Variants in AMOTL1 observed in about 807,000 individuals in gnomAD.
AMOTL1 encodes the protein angiomotin-like protein 1.
Under a neutral mutation model 102.9 loss-of-function variants are expected in AMOTL1, and 45 were observed. That is an observed-to-expected ratio of 0.44 (90% confidence interval 0.34 to 0.56). The LOEUF is 0.56. AMOTL1 is among the 20% of genes least tolerant of loss of function. The pLI is 0.01. For missense variants in AMOTL1, 1,114 were observed against 1,225.6 expected (o/e 0.91, Z 1.36); for synonymous variants, 481 against 484.7 (o/e 0.99, Z 0.10).
At chr11:94,818,843 A>G (rs1383417805) in intron 3 of AMOTL1, among the ~76,000 whole-genome samples, 2 of 152,118 alleles carry the variant, frequency 1.3e-5, no homozygotes, top group Non-Finnish European at 2.9e-5. Context: ...GCTTTCTTAA[A>G]GCCCTGCAAA....
intron 1 of AMOTL1, among the ~76,000 whole-genome samples, chr11:94,709,588 T>C (rs1473104598): frequency 6.6e-6 from 1 of 152,056 alleles, no homozygotes; most frequent in Non-Finnish European, 1.5e-5. Context: ...GCTACAAGGA[T>C]TGAATCCCAA....
At chr11:94,806,290 G>A (rs1170744869) in intron 3 of AMOTL1, among the ~76,000 whole-genome samples, 1 of 152,254 alleles carries the variant, frequency 6.6e-6, no homozygotes, top group Non-Finnish European at 1.5e-5. Context: ...AGTGGGCTCT[G>A]TGTTTGGAAT....
chr11:94,716,097 A>G (rs1950091640), intron 1 of AMOTL1, among the ~76,000 whole-genome samples: 1 of 152,036 alleles, frequency 6.6e-6, no homozygotes, highest in Non-Finnish European at 1.5e-5. Context: ...TTTGTCCTTA[A>G]GTTCACTGAT....
chr11:94,865,001 G>T, intron 10 of AMOTL1, 141 bp downstream of exon 10: 1 of 1,250,070 alleles, frequency 8.0e-7, no homozygotes, highest in Admixed American at 2.9e-5. Flanking sequence ...GCTGTGCCAT[G>T]GAGAGAAGGA....
intron 1 of AMOTL1, among the ~76,000 whole-genome samples, chr11:94,716,068 T>C (rs761150099): frequency 6.6e-6 from 1 of 152,146 alleles, no homozygotes; most frequent in Non-Finnish European, 1.5e-5. Context: ...TCCTTTTTTG[T>C]ACAAGTAAAT....
chr11:94,752,737 T>C (rs1180131381), intron 3 of AMOTL1, among the ~76,000 whole-genome samples: 1 of 152,138 alleles, frequency 6.6e-6, no homozygotes, highest in Non-Finnish European at 1.5e-5. Context: ...TGTCTAACAG[T>C]CAATAGCTTT....
intron 2 of AMOTL1, among the ~76,000 whole-genome samples, chr11:94,736,235 G>C (rs1950437567): frequency 6.6e-6 from 1 of 152,136 alleles, no homozygotes; most frequent in Non-Finnish European, 1.5e-5. Flanking sequence ...TATGTGGGAA[G>C]AAAATGAACA....
At chr11:94,855,031 A>G (rs533947305) in intron 8 of AMOTL1, among the ~76,000 whole-genome samples, 5 of 152,318 alleles carry the variant, frequency 3.3e-5, no homozygotes, top group South Asian at 2.1e-4. Context: ...CTGGCCCCAG[A>G]TGAGCCTGTC....
chr11:94,744,596 G>A (rs1463047268), intron 3 of AMOTL1, among the ~76,000 whole-genome samples: 1 of 152,168 alleles, frequency 6.6e-6, no homozygotes, highest in East Asian at 1.9e-4. Flanking sequence ...TGGGGAAGTG[G>A]GGAGAATAGG....
At chr11:94,761,458 G>A (rs1307055113) in intron 3 of AMOTL1, among the ~76,000 whole-genome samples, 1 of 151,602 alleles carries the variant, frequency 6.6e-6, no homozygotes, top group Non-Finnish European at 1.5e-5. Flanking sequence ...CAAAGTGCTG[G>A]GATTACAGGC....
intron 1 of AMOTL1, among the ~76,000 whole-genome samples, chr11:94,714,857 T>C (rs562453559): frequency 2.6e-5 from 4 of 152,134 alleles, no homozygotes; most frequent in Non-Finnish European, 5.9e-5. Context: ...CTTTTCCTAT[T>C]TCAGATTCAT....
chr11:94,814,352 C>T (rs1470113802), intron 3 of AMOTL1, among the ~76,000 whole-genome samples: 5 of 152,176 alleles, frequency 3.3e-5, no homozygotes, highest in African/African-American at 9.7e-5. Flanking sequence ...AGAGCACTGG[C>T]CTCACAAATA....
intron 1 of AMOTL1, among the ~76,000 whole-genome samples, chr11:94,727,058 T>G (rs546882006): frequency 1.2e-4 from 19 of 152,144 alleles, no homozygotes; most frequent in Non-Finnish European, 2.5e-4. Context: ...CATATCATCT[T>G]GCAAATCTGT....
chr11:94,798,173 T>G (rs2135568194), intron 2 of AMOTL1, among the ~76,000 whole-genome samples: 1 of 152,330 alleles, frequency 6.6e-6, no homozygotes, highest in East Asian at 1.9e-4. Flanking sequence ...TGTGAACATC[T>G]CTCCTCTTCT....
At chr11:94,819,232 C>T (rs1951820236) in intron 3 of AMOTL1, among the ~76,000 whole-genome samples, 1 of 152,102 alleles carries the variant, frequency 6.6e-6, no homozygotes, top group Non-Finnish European at 1.5e-5. Flanking sequence ...ATCAGTAAGC[C>T]AAAGGGAAAA....
intron 1 of AMOTL1, among the ~76,000 whole-genome samples, chr11:94,790,773 C>T (rs962443861): frequency 6.6e-6 from 1 of 152,182 alleles, no homozygotes; most frequent in African/African-American, 2.4e-5. Flanking sequence ...GACAGTTTCA[C>T]GTCCTCCAGG....
At chr11:94,708,564 T>C (rs1447162329) in intron 1 of AMOTL1, among the ~76,000 whole-genome samples, 2 of 152,214 alleles carry the variant, frequency 1.3e-5, no homozygotes, top group African/African-American at 2.4e-5. Context: ...AGAACATTTA[T>C]GGAAGGCTCT....
At chr11:94,742,617 GT>G (rs975721395) in intron 3 of AMOTL1, among the ~76,000 whole-genome samples, 7 of 152,138 alleles carry the variant, frequency 4.6e-5, no homozygotes, top group Non-Finnish European at 7.4e-5. Context: ...AAAAAACAAT[GT>G]TTTTTTCTCT....
chr11:94,721,171 G>A (rs1326292885), intron 1 of AMOTL1, among the ~76,000 whole-genome samples: 4 of 152,156 alleles, frequency 2.6e-5, no homozygotes, highest in Admixed American at 1.3e-4. Context: ...TGTACCATGT[G>A]TAGCTATTGA....
Sources: allele counts gnomAD v4.1 joint callset (sites outside exome capture counted in the v4.1 genomes callset), GRCh38; gene constraint gnomAD v4.1.1; transcripts MANE v1.5; gene names NCBI Gene and HGNC (gene_info 2026-07-23, HGNC 2026-07-21).